Variants in WDR45B observed in about 807,000 individuals in gnomAD.
WDR45B encodes the protein WD repeat domain phosphoinositide-interacting protein 3.
WDR45B carries 20 observed loss-of-function variants against 44.6 expected under a neutral mutation model. That is an observed-to-expected ratio of 0.45 (90% CI 0.32 to 0.65). The LOEUF is 0.65. Among genes scored for constraint, WDR45B ranks in the 30% least tolerant of loss-of-function variants. WDR45B has a pLI of 0.05. For synonymous variants in WDR45B, 169 were observed against 164.9 expected (o/e 1.02, Z -0.19); for missense variants, 323 against 430.2 (o/e 0.75, Z 2.20).
At chr17:82,644,059 G>T in intron 1 of WDR45B, 36 bp from the exon 2 acceptor site, 2 of 1,605,190 alleles carry the variant, frequency 1.2e-6, no homozygotes, top group South Asian at 2.2e-5. Context: ...TTAATCCCCA[G>T]GCCTGGAGTG....
chr17:82,629,497 T>A, intron 3 of WDR45B: 2 of 985,464 alleles, frequency 2.0e-6, no homozygotes, highest in Non-Finnish European at 2.4e-6. Flanking sequence ...TAGCAGCCAC[T>A]CTCAACTCTG....
At chr17:82,624,241 G>A (rs1447881615) in intron 5 of WDR45B, among the ~76,000 whole-genome samples, 2 of 152,208 alleles carry the variant, frequency 1.3e-5, no homozygotes, top group East Asian at 1.9e-4. Context: ...GGAGGGGACT[G>A]TCCCAAGAAA....
chr17:82,620,353 C>A (rs1299458003), intron 6 of WDR45B, among the ~76,000 whole-genome samples: 2 of 152,172 alleles, frequency 1.3e-5, no homozygotes, highest in African/African-American at 4.8e-5. Context: ...GAATCGCTGG[C>A]ACCCAGGAGG....
At chr17:82,621,054 CTT>C (rs11337047) in intron 6 of WDR45B, among the ~76,000 whole-genome samples, 94 of 131,254 alleles carry the variant, frequency 7.2e-4, no homozygotes, top group Admixed American at 1.4e-3. Context: ...ATTTTTGTTT[CTT>C]TTTTTTTTTT....
intron 9 of WDR45B, 96 bp from the exon 10 acceptor site, chr17:82,616,121 G>T: frequency 1.7e-6 from 2 of 1,178,312 alleles, no homozygotes; most frequent in Non-Finnish European, 2.5e-6. Flanking sequence ...GCCTCTTGGA[G>T]CCAGGCAGCT....
At chr17:82,640,359 T>C (rs959270562) in intron 2 of WDR45B, among the ~76,000 whole-genome samples, 4 of 151,734 alleles carry the variant, frequency 2.6e-5, no homozygotes, top group Non-Finnish European at 5.9e-5. Flanking sequence ...TTTTCTTTTT[T>C]TTTTTTTTTT....
intron 2 of WDR45B, among the ~76,000 whole-genome samples, chr17:82,636,856 C>T (rs1263256976): frequency 6.6e-6 from 1 of 151,986 alleles, no homozygotes; most frequent in African/African-American, 2.4e-5. Flanking sequence ...GCACGTCTCA[C>T]ACGCTCCACC....
chr17:82,623,736 A>T (rs1010037218), intron 5 of WDR45B, among the ~76,000 whole-genome samples: 2 of 151,858 alleles, frequency 1.3e-5, no homozygotes, highest in South Asian at 4.2e-4. Flanking sequence ...ACATCTCATT[A>T]TAAGATAAAC....
chr17:82,616,369 G>A (rs555738229), intron 9 of WDR45B, among the ~76,000 whole-genome samples, 155 bp downstream of exon 9: 28 of 152,348 alleles, frequency 1.8e-4, no homozygotes, highest in Middle Eastern at 3.4e-3. Flanking sequence ...CCGTAAGCGG[G>A]ACACACTGAG....
chr17:82,616,205 C>T (rs1488830683), intron 9 of WDR45B, among the ~76,000 whole-genome samples, 180 bp from the exon 10 acceptor site: 2 of 152,160 alleles, frequency 1.3e-5, no homozygotes, highest in African/African-American at 4.8e-5. Flanking sequence ...GGAATCCTGA[C>T]TGTCTTGGTG....
chr17:82,624,221 G>A (rs2045660955), intron 5 of WDR45B, among the ~76,000 whole-genome samples: 1 of 152,170 alleles, frequency 6.6e-6, no homozygotes, highest in African/African-American at 2.4e-5. Context: ...AAAACCTGAG[G>A]GTTGAGTGGG....
chr17:82,644,551 G>C lies in WDR45B; in HGVS notation c.68-528C>G, dbSNP rs539065892. On this transcript the variant is annotated intron_variant, in intron 1 of 9. Transcript: ENST00000392325. Reference sequence around the variant, plus strand: ...CTTAAAATCCTGTCAGAGTCTCAATGAGTTACCCAGGTCACTCATCCTGGT... The same window carrying C: ...CTTAAAATCCTGTCAGAGTCTCAATCAGTTACCCAGGTCACTCATCCTGGT... The C allele has an allele frequency of 4.3e-4, 80 of 185,350 alleles. 1 individual carries two copies. In the South Asian group the frequency reaches 9.0e-3, roughly 21 times the overall value. 11.5% of individuals were successfully genotyped at this position (185,350 alleles called of 1,614,324 possible).
chr17:82,632,721 C>T (rs1383457788), intron 2 of WDR45B, among the ~76,000 whole-genome samples: 1 of 152,080 alleles, frequency 6.6e-6, no homozygotes, highest in Non-Finnish European at 1.5e-5. Flanking sequence ...TCAGCTCGAT[C>T]TTCGAGATAT....
At chr17:82,637,786 G>A (rs1028854321) in intron 2 of WDR45B, among the ~76,000 whole-genome samples, 5 of 152,046 alleles carry the variant, frequency 3.3e-5, no homozygotes, top group East Asian at 1.9e-4. Flanking sequence ...TCTGAACCCC[G>A]TCTCCTTGGG....
intron 7 of WDR45B, 28 bp from the exon 8 acceptor site, chr17:82,617,425 C>T: frequency 6.2e-7 from 1 of 1,610,566 alleles, no homozygotes; most frequent in Non-Finnish European, 8.5e-7. Context: ...ACAGCTCAGG[C>T]CTTGTGTGGA....
rs1328241487 is a variant in WDR45B, at chr17:82,614,632, T to C, written c.*1287A>G. The C allele has an allele frequency of 6.6e-6, 1 of 152,586 alleles. No homozygotes were observed. Among genetic ancestry groups the C allele is most frequent in the East Asian group, 1.9e-4 (1 of 5,204 alleles). The allele number at this position is 152,586 out of a possible 1,614,324, so 9.5% of individuals were successfully genotyped here. ...AAACATTACAAATAAGTGTGCAAAA[T>C]TAAACATCATGATTAAATACACATG... On this transcript the variant is annotated 3_prime_UTR_variant, in exon 10 of 10. Coordinates refer to ENST00000392325, the MANE Select transcript of WDR45B (RefSeq NM_019613.4).
At chr17:82,635,983 A>G (rs925620604) in intron 2 of WDR45B, among the ~76,000 whole-genome samples, 2 of 151,878 alleles carry the variant, frequency 1.3e-5, no homozygotes, top group Admixed American at 1.3e-4. Context: ...GCTACTCGAG[A>G]AGTTGGGGCA....
chr17:82,636,260 CAAAAAA>C (rs71168123), intron 2 of WDR45B, among the ~76,000 whole-genome samples: 2 of 104,600 alleles, frequency 1.9e-5, no homozygotes, highest in African/African-American at 3.8e-5. Context: ...GACTCCGTCT[CAAAAAA>C]AAAAAAAAAA....
rs551387657 is a variant in WDR45B at position 82,618,390 on chromosome 17, G to A, written c.704+653C>T. Reference sequence around the variant, plus strand: ...GGCTGTAGGGACACCACTGTGGGGCGGCAGTGTGGCCTCTCAGACTGTAAC... The same window carrying A: ...GGCTGTAGGGACACCACTGTGGGGCAGCAGTGTGGCCTCTCAGACTGTAAC... On this transcript the variant is annotated intron_variant, in intron 7 of 9. Transcript: ENST00000392325. Among the ~76,000 whole-genome samples the A allele has an allele frequency of 4.6e-5, 7 of 152,306 alleles. No homozygotes were observed. In the South Asian group the frequency reaches 1.0e-3, roughly 23 times the overall value.
Sources: gnomAD v4.1 joint callset for allele counts (sites outside exome capture counted in the v4.1 genomes callset) on GRCh38, gnomAD v4.1.1 for gene constraint, MANE v1.5 for transcripts, NCBI Gene and HGNC (gene_info 2026-07-23, HGNC 2026-07-21) for gene names.